Variants in CACNA1D observed in about 807,000 individuals in gnomAD.
CACNA1D encodes voltage-dependent L-type calcium channel subunit alpha-1D.
Under a neutral mutation model 257.1 loss-of-function variants are expected in CACNA1D, and 55 were observed. The observed-to-expected ratio is 0.21, with a 90% CI of 0.17 to 0.27. CACNA1D has a LOEUF of 0.27. CACNA1D is among the 10% of genes least tolerant of loss of function. The pLI is 1.00. For synonymous variants in CACNA1D, 980 were observed against 1,014.9 expected, an observed-to-expected ratio of 0.97 and a Z score of 0.65; for missense variants, 1,876 against 2,784.0, an observed-to-expected ratio of 0.67 and a Z score of 7.34.
intron 4 of CACNA1D, 146 bp from the exon 5 acceptor site, chr3:53,659,987 C>T: frequency 1.4e-6 from 1 of 699,002 alleles, no homozygotes; most frequent in Non-Finnish European, 2.4e-6. Context: ...TCCAATTCCA[C>T]AGCCCAGTTC....
At chr3:53,566,442 T>G (rs564895318) in intron 3 of CACNA1D, among the ~76,000 whole-genome samples, 4 of 152,242 alleles carry the variant, frequency 2.6e-5, no homozygotes, top group African/African-American at 4.8e-5. Flanking sequence ...AGAGAGGTCC[T>G]CCCTGACCAC....
At chr3:53,505,176 T>A (rs1189163024) in intron 3 of CACNA1D, among the ~76,000 whole-genome samples, 4 of 150,896 alleles carry the variant, frequency 2.7e-5, no homozygotes, top group Non-Finnish European at 5.9e-5. Flanking sequence ...TGGTGCAATT[T>A]CGGCTCACTG....
At chr3:53,579,132 C>T (rs989090643) in intron 3 of CACNA1D, among the ~76,000 whole-genome samples, 3 of 152,132 alleles carry the variant, frequency 2.0e-5, no homozygotes, top group Admixed American at 6.5e-5. Flanking sequence ...CCAGGGATAG[C>T]GTTGGTGTTC....
chr3:53,730,635 C>G, intron 16 of CACNA1D, 79 bp downstream of exon 16: 1 of 1,081,728 alleles, frequency 9.2e-7, no homozygotes, highest in Non-Finnish European at 1.4e-6. Context: ...GCCAGGCTTA[C>G]CCCCGCATCA....
chr3:53,498,367 T>G (rs1344988004), intron 2 of CACNA1D, among the ~76,000 whole-genome samples: 8 of 152,262 alleles, frequency 5.3e-5, no homozygotes. Context: ...TGCTTCAGCC[T>G]GCTTAACCCC....
intron 3 of CACNA1D, among the ~76,000 whole-genome samples, chr3:53,642,510 T>C (rs901914713): frequency 1.4e-4 from 22 of 152,238 alleles, no homozygotes; most frequent in Admixed American, 1.0e-3. Flanking sequence ...GGAGTTTTGC[T>C]GGGTGGCAAG....
intron 3 of CACNA1D, among the ~76,000 whole-genome samples, chr3:53,517,194 T>TCTAATCCCTCACTGCAAGGCCCTGAATC (rs11274777): frequency 6.6e-6 from 1 of 150,586 alleles, no homozygotes; most frequent in Non-Finnish European, 1.5e-5. Context: ...CATCTTGCCT[T>TCTAATCCCTCACTGCAAGGCCCTGAATC]CTAATCCCTC....
chr3:53,708,185 G>A (rs1413453271), intron 9 of CACNA1D, among the ~76,000 whole-genome samples: 1 of 152,240 alleles, frequency 6.6e-6, no homozygotes, highest in Non-Finnish European at 1.5e-5. Context: ...GCAAGCATAA[G>A]GCATAGCAAT....
At chr3:53,728,590 C>T (rs1185004484) in intron 15 of CACNA1D, among the ~76,000 whole-genome samples, 1 of 152,218 alleles carries the variant, frequency 6.6e-6, no homozygotes, top group Non-Finnish European at 1.5e-5. Flanking sequence ...TCATTATTTT[C>T]TTTTTCTGCT....
Position 53,673,409 on chromosome 3 carries a change from A to G in CACNA1D, c.1220+283A>G, listed in dbSNP as rs1243828159. ...AGCATGCCCTTTTTTTGTCTGTTCT[A>G]AAGTGAGATACATTTATAATTGCTT... is the stretch of plus-strand genomic sequence containing the variant. On this transcript the variant is annotated intron_variant, in intron 8 of 47. Coordinates refer to ENST00000350061, the MANE Select transcript of CACNA1D (RefSeq NM_001128840.3). The surrounding 1 kb of genome is among the most constrained non-coding windows in gnomAD (Gnocchi z 4.1). Among the ~76,000 whole-genome samples, 2 of 152,168 alleles carry G rather than the reference A, an allele frequency of 1.3e-5. No homozygotes were observed. Among genetic ancestry groups the G allele is most frequent in the East Asian group, 3.8e-4 (2 of 5,198 alleles).
At chr3:53,521,931 C>A (rs2091592839) in intron 3 of CACNA1D, among the ~76,000 whole-genome samples, 1 of 150,696 alleles carries the variant, frequency 6.6e-6, no homozygotes, top group Non-Finnish European at 1.5e-5. Flanking sequence ...TGGAGAACAG[C>A]CTGGAAAACA....
intron 3 of CACNA1D, among the ~76,000 whole-genome samples, chr3:53,576,767 C>G (rs973045096): frequency 6.6e-6 from 1 of 152,208 alleles, no homozygotes; most frequent in Non-Finnish European, 1.5e-5. Context: ...AGCAGCCAGT[C>G]AGGATTTACC....
chr3:53,534,659 T>G (rs1350253110), intron 3 of CACNA1D, among the ~76,000 whole-genome samples: 1 of 152,220 alleles, frequency 6.6e-6, no homozygotes, highest in Admixed American at 6.5e-5. Context: ...CTGCCCCTTT[T>G]CCTCACTTGC....
chr3:53,572,800 CCA>C (rs1471669224), intron 3 of CACNA1D, among the ~76,000 whole-genome samples: 1 of 152,192 alleles, frequency 6.6e-6, no homozygotes, highest in Non-Finnish European at 1.5e-5. Flanking sequence ...AGTCTCTTCT[CCA>C]CACAGTCTCC....
intron 39 of CACNA1D, 97 bp from the exon 40 acceptor site, chr3:53,786,725 C>CCAA: frequency 1.7e-6 from 1 of 585,360 alleles, no homozygotes; most frequent in Non-Finnish European, 3.1e-6. Context: ...CCACCCGCCC[C>CCAA]ACTCTGCCCC....
chr3:53,569,183 G>A (rs947896427), intron 3 of CACNA1D, among the ~76,000 whole-genome samples: 5 of 152,026 alleles, frequency 3.3e-5, no homozygotes, highest in African/African-American at 9.7e-5. Flanking sequence ...ATCAGCACTC[G>A]CTCCCTCAAT....
At chr3:53,557,311 A>G (rs1455657500) in intron 3 of CACNA1D, among the ~76,000 whole-genome samples, 2 of 152,184 alleles carry the variant, frequency 1.3e-5, no homozygotes, top group East Asian at 1.9e-4. Flanking sequence ...CCTGACCAAC[A>G]TGGAGAAACC....
chr3:53,630,458 A>G (rs1308773047), intron 3 of CACNA1D, among the ~76,000 whole-genome samples: 1 of 152,212 alleles, frequency 6.6e-6, no homozygotes, highest in African/African-American at 2.4e-5. Flanking sequence ...TTTCTTTTGC[A>G]CTCGTATCTC....
At chr3:53,781,056 C>G (rs2095422997) in intron 38 of CACNA1D, among the ~76,000 whole-genome samples, 1 of 152,188 alleles carries the variant, frequency 6.6e-6, no homozygotes, top group African/African-American at 2.4e-5. Context: ...GCAGAATGGT[C>G]CTCTATACTG....
Sources: allele counts gnomAD v4.1 joint callset (sites outside exome capture counted in the v4.1 genomes callset), GRCh38; gene constraint gnomAD v4.1.1; non-coding constraint Gnocchi (gnomAD v3.1); transcripts MANE v1.5; gene names NCBI Gene and HGNC (gene_info 2026-07-23, HGNC 2026-07-21).